Variants in RXRA observed in about 807,000 individuals in gnomAD.
The protein encoded by RXRA is retinoic acid receptor RXR-alpha.
RXRA carries 5 observed loss-of-function variants against 44.5 expected under a neutral mutation model. The observed-to-expected ratio is 0.11, with a 90% CI of 0.06 to 0.24. RXRA has a LOEUF of 0.24. Ranked by LOEUF, RXRA falls within the 10% of genes least tolerant of loss-of-function variation. The probability of loss-of-function intolerance (pLI) is 1.00; values close to 1 mark genes in which losing one functional copy is unlikely to be tolerated. For missense variants in RXRA, 412 were observed against 646.5 expected, an observed-to-expected ratio of 0.64 and a Z score of 3.93; for synonymous variants, 291 against 271.4, an observed-to-expected ratio of 1.07 and a Z score of -0.71.
intron 4 of RXRA, among the ~76,000 whole-genome samples, chr9:134,413,532 AAGAGG>A (rs1831185719): frequency 6.6e-6 from 1 of 151,992 alleles, no homozygotes; most frequent in East Asian, 1.9e-4. Context: ...CCCCACCCTT[AAGAGG>A]AGGCCAGAAT....
intron 1 of RXRA, among the ~76,000 whole-genome samples, chr9:134,376,426 A>G (rs1830558369): frequency 6.6e-6 from 1 of 152,156 alleles, no homozygotes; most frequent in South Asian, 2.1e-4. Flanking sequence ...AGGTCCCTCC[A>G]GTGGCCCAAC....
Position 134,433,105 on chromosome 9 carries a change from G to A in RXRA, c.1136-997G>A, listed in dbSNP as rs1387240920. On this transcript the variant is annotated intron_variant, in intron 8 of 9. Coordinates refer to ENST00000481739, the MANE Select transcript of RXRA (RefSeq NM_002957.6). This position sits in a 1 kb window ranked among gnomAD's most constrained non-coding sequence, Gnocchi z 4.2. Reference sequence around the variant, plus strand: ...TCTGACCTTGCCCTTTGTCAGACCTGGCTCTGAGGGACCGGGCCGGGATGG... The same window carrying A: ...TCTGACCTTGCCCTTTGTCAGACCTAGCTCTGAGGGACCGGGCCGGGATGG... 6.6e-6 allele frequency among the ~76,000 whole-genome samples: 1 copy of A among 152,168 alleles called. No homozygotes were observed. Among genetic ancestry groups the A allele is most frequent in the Non-Finnish European group, 1.5e-5 (1 of 68,028 alleles).
intron 1 of RXRA, among the ~76,000 whole-genome samples, chr9:134,350,796 A>G (rs972361857): frequency 2.0e-5 from 3 of 152,172 alleles, no homozygotes; most frequent in Non-Finnish European, 2.9e-5. Context: ...ACCTGTCCCC[A>G]CTGCACGAGG....
intron 1 of RXRA, among the ~76,000 whole-genome samples, chr9:134,369,707 C>G (rs1830467402): frequency 6.6e-6 from 1 of 151,982 alleles, no homozygotes; most frequent in Admixed American, 6.5e-5. Flanking sequence ...TGCTCGGTGG[C>G]CTTGGCGTGT....
chr9:134,432,462 C>T (rs781230685), intron 8 of RXRA, among the ~76,000 whole-genome samples: 2 of 152,214 alleles, frequency 1.3e-5, no homozygotes, highest in Admixed American at 6.5e-5. Context: ...GGCTGGGCCC[C>T]TGTGGTTGAG....
intron 8 of RXRA, 102 bp downstream of exon 8, chr9:134,432,098 G>A (rs1564299346): frequency 1.2e-6 from 1 of 820,850 alleles, no homozygotes; most frequent in Non-Finnish European, 2.0e-6. Flanking sequence ...CTACATGTGG[G>A]GCCAACTCCC....
rs12349076 is a variant in RXRA at position 134,423,447 on chromosome 9, G to A, written c.910+1642G>A. 4,395 of 985,458 alleles carry A rather than the reference G, an allele frequency of 4.5e-3. 160 individuals are homozygous for A. In the African/African-American group the frequency reaches 0.072, roughly 16 times the overall value. 61.0% of individuals were successfully genotyped at this position (985,458 alleles called of 1,614,324 possible). On this transcript the variant is annotated intron_variant, in intron 6 of 9. Coordinates refer to ENST00000481739, the MANE Select transcript of RXRA (RefSeq NM_002957.6). ...GTGGAGAAGACACAGCCAGAGACGG[G>A]CTCCCTGTGAAGCAGGGAATGTTCT...
chr9:134,434,390 C>T (rs1831581600), intron 9 of RXRA, among the ~76,000 whole-genome samples, 183 bp downstream of exon 9: 1 of 152,076 alleles, frequency 6.6e-6, no homozygotes. Context: ...GCGGGCACAC[C>T]CCACAGGCCC....
chr9:134,355,580 G>A (rs1215203850), intron 1 of RXRA, among the ~76,000 whole-genome samples: 1 of 152,178 alleles, frequency 6.6e-6, no homozygotes, highest in Non-Finnish European at 1.5e-5. Context: ...GGAGGGGTGG[G>A]GCAGTAGAGT....
At chr9:134,326,872 G>A (rs1480011090) in intron 1 of RXRA, among the ~76,000 whole-genome samples, 1 of 146,842 alleles carries the variant, frequency 6.8e-6, no homozygotes, top group East Asian at 2.0e-4. Flanking sequence ...GCTGGGCAGC[G>A]GGCGGGCGGC....
intron 1 of RXRA, among the ~76,000 whole-genome samples, chr9:134,354,759 C>G (rs1554749872): frequency 6.6e-6 from 1 of 152,262 alleles, no homozygotes; most frequent in Non-Finnish European, 1.5e-5. Flanking sequence ...AGTCTCAGAT[C>G]TGGGCCAAAC....
chr9:134,412,689 G>A (rs1397119836), intron 4 of RXRA, among the ~76,000 whole-genome samples: 1 of 152,038 alleles, frequency 6.6e-6, no homozygotes, highest in African/African-American at 2.4e-5. Context: ...GCCTGGGCCT[G>A]TTTGCTGAAG....
chr9:134,425,222 G>T (rs1831412698), intron 6 of RXRA: 4 of 985,370 alleles, frequency 4.1e-6, no homozygotes, highest in Non-Finnish European at 4.8e-6. Flanking sequence ...GATGTCACAC[G>T]TGTCTGCTCC....
At chr9:134,354,225 G>A (rs926178984) in intron 1 of RXRA, among the ~76,000 whole-genome samples, 2 of 152,160 alleles carry the variant, frequency 1.3e-5, no homozygotes, top group South Asian at 2.1e-4. Flanking sequence ...GCACTTCTGC[G>A]TGCCGAGTGC....
chr9:134,343,497 A>G lies in RXRA; in HGVS notation c.28+16838A>G, dbSNP rs782337419. Among the ~76,000 whole-genome samples the G allele has an allele frequency of 1.3e-5, 2 of 152,060 alleles. No homozygotes were observed. Among genetic ancestry groups the G allele is most frequent in the Non-Finnish European group, 2.9e-5 (2 of 67,992 alleles). ...GAGGAGGGCATGAGTGTTGTATCTC[A>G]TGGGAAGAAGCATTTTTTTGGGAGG... On this transcript the variant is annotated intron_variant, in intron 1 of 9. Transcript: ENST00000481739. This position sits in a 1 kb window ranked among gnomAD's most constrained non-coding sequence, Gnocchi z 4.1.
At chr9:134,379,252 G>A (rs867215450) in intron 1 of RXRA, 8 of 985,336 alleles carry the variant, frequency 8.1e-6, no homozygotes, top group Non-Finnish European at 9.6e-6. Flanking sequence ...CCCTGAGGGC[G>A]GGGCTCGGGC....
chr9:134,359,733 C>T (rs906227146), intron 1 of RXRA, among the ~76,000 whole-genome samples: 3 of 151,866 alleles, frequency 2.0e-5, no homozygotes, highest in Admixed American at 6.6e-5. Flanking sequence ...GTGGCCCTGG[C>T]GGGGTGGGGA....
intron 6 of RXRA, chr9:134,425,115 C>T: frequency 4.1e-6 from 4 of 985,340 alleles, no homozygotes; most frequent in Non-Finnish European, 3.6e-6. Flanking sequence ...GGAGTGTCCA[C>T]CTGTGGCTCG....
chr9:134,358,695 G>A (rs933985822), intron 1 of RXRA, among the ~76,000 whole-genome samples: 1 of 152,156 alleles, frequency 6.6e-6, no homozygotes, highest in Non-Finnish European at 1.5e-5. Flanking sequence ...GTCGTCTGCA[G>A]GACTGGGCAG....
Sources: allele counts gnomAD v4.1 joint callset (sites outside exome capture counted in the v4.1 genomes callset), GRCh38; gene constraint gnomAD v4.1.1; non-coding constraint Gnocchi (gnomAD v3.1); transcripts MANE v1.5; gene names NCBI Gene and HGNC (gene_info 2026-07-23, HGNC 2026-07-21).